Variants in RBSN observed in about 807,000 individuals in gnomAD.
RBSN encodes the protein rabenosyn, RAB effector.
RBSN carries 34 observed loss-of-function variants against 60.5 expected under a neutral mutation model. The observed-to-expected ratio is 0.56, with a 90% CI of 0.43 to 0.75. RBSN has a LOEUF of 0.75. RBSN is among the 30% of genes least tolerant of loss of function. The pLI, the probability that RBSN is intolerant of heterozygous loss-of-function variation, is 0.00. For synonymous variants in RBSN, 322 were observed against 366.9 expected, an observed-to-expected ratio of 0.88 and a Z score of 1.40; for missense variants, 845 against 986.8, an observed-to-expected ratio of 0.86 and a Z score of 1.92.
At chr3:15,078,778 ACATATATAT>A (rs1559342752) in intron 10 of RBSN, among the ~76,000 whole-genome samples, 26 of 35,792 alleles carry the variant, frequency 7.3e-4, no homozygotes, top group African/African-American at 2.4e-3. Context: ...AAAAAAAAAT[ACATATATAT>A]ATATATATAT....
Position 15,078,173 on chromosome 3 carries a change from C to T in RBSN, c.912-12G>A, listed in dbSNP as rs1305764830. On this transcript the variant is annotated splice_polypyrimidine_tract_variant and intron_variant, in intron 10 of 13. Transcript: ENST00000253699. ...TTGTCTCCCCAGCACTAAGGAGAAACCAGAGACACGTGACCTAAGTTTCAT... is the reference window on the plus strand; with the variant it reads ...TTGTCTCCCCAGCACTAAGGAGAAATCAGAGACACGTGACCTAAGTTTCAT... 1 of 1,612,972 alleles carries T rather than the reference C, an allele frequency of 6.2e-7. No individual in the cohort carries two copies. The highest frequency in any genetic ancestry group is 1.3e-5 in the African/African-American group (1 of 74,904).
At position 15,078,266 on chromosome 3, in the gene RBSN, C is replaced by A. The variant is rs189635372; in HGVS notation, c.912-105G>T. The A allele has an allele frequency of 2.1e-4, 184 of 889,528 alleles. No individual in the cohort carries two copies. In the African/African-American group the frequency reaches 2.7e-3, roughly 13 times the overall value. 55.1% of individuals were successfully genotyped at this position (889,528 alleles called of 1,614,324 possible). On this transcript the variant is annotated intron_variant, in intron 10 of 13. Transcript: ENST00000253699. ...TAAGGCCTCACAAAGGCAGTTAATT[C>A]TCTAAAGGTGGCATTTCAGACTTTC...
At chr3:15,078,664 G>A (rs906851152) in intron 10 of RBSN, among the ~76,000 whole-genome samples, 3 of 150,618 alleles carry the variant, frequency 2.0e-5, no homozygotes, top group Admixed American at 6.6e-5. Context: ...AGGAGGCTGA[G>A]GCAGAAGAAT....
At chr3:15,093,536 T>G (rs1047725293) in intron 4 of RBSN, among the ~76,000 whole-genome samples, 3 of 151,932 alleles carry the variant, frequency 2.0e-5, no homozygotes, top group Non-Finnish European at 4.4e-5. Flanking sequence ...GGACTACGAG[T>G]GCGTGCCACT....
chr3:15,097,795 G>A (rs912717158), intron 2 of RBSN, among the ~76,000 whole-genome samples: 1 of 152,038 alleles, frequency 6.6e-6, no homozygotes, highest in African/African-American at 2.4e-5. Context: ...CACCGAGGAG[G>A]GACTGCCTGG....
chr3:15,074,279 G>C lies in RBSN; in HGVS notation c.1858C>G (p.His620Asp). 6.2e-7 allele frequency: 1 copy of C among 1,613,730 alleles called. No individual in the cohort carries two copies. The highest frequency in any genetic ancestry group is 1.3e-5 in the African/African-American group (1 of 75,038). Reference protein sequence around the residue: ...RLPQSSMPQQHEGPSLNPFDE... With the variant: ...RLPQSSMPQQDEGPSLNPFDE... Reference sequence around the variant, plus strand: ...AAGGGGTTTAAGGAGGGCCCCTCATGTTGCTGTGGCATGCTGCTCTGGGGT... The same window carrying C: ...AAGGGGTTTAAGGAGGGCCCCTCATCTTGCTGTGGCATGCTGCTCTGGGGT... Residue 620 changes from histidine (H) to aspartate (D), a missense_variant, in exon 14 of 14, where the codon CAT becomes GAT. By Grantham distance (81) the His-to-Asp change is moderately conservative. Coordinates refer to ENST00000253699, the MANE Select transcript of RBSN (RefSeq NM_022340.4). This position sits in a 1 kb window ranked among gnomAD's most constrained non-coding sequence, Gnocchi z 6.4.
rs780245188 is a variant in RBSN, at chr3:15,074,497, C to G, written c.1640G>C (p.Arg547Pro). The part of the protein sequence containing the change: ...FRVASLHTRT[R>P]SLDFREIGPF... ...GCCGATTTCTCTGAAGTCCAGGGAC[C>G]GAGTCCGTGTGTGCAGGGATGCCAC... is the stretch of plus-strand genomic sequence containing the variant. The change falls in exon 14 of 14, where the codon CGG becomes CCG. Residue 547 changes from arginine (R) to proline (P), a missense_variant. Physicochemically the swap from Arg to Pro is moderately radical, Grantham distance 103 (BLOSUM62 -2). Transcript: ENST00000253699. This position sits in a 1 kb window ranked among gnomAD's most constrained non-coding sequence, Gnocchi z 6.4. 1 of 1,614,194 alleles carries G rather than the reference C, an allele frequency of 6.2e-7. No homozygotes were observed. The highest frequency in any genetic ancestry group is 8.5e-7 in the Non-Finnish European group (1 of 1,180,028).
rs201369960 is a variant in RBSN at position 15,074,690 on chromosome 3, G to A, written c.1447C>T (p.Arg483Cys). The A allele has an allele frequency of 8.1e-6, 13 of 1,614,270 alleles. No homozygotes were observed. The highest frequency in any genetic ancestry group is 5.0e-5 in the Admixed American group (3 of 60,036). Residue 483 changes from arginine to cysteine, a missense_variant, in exon 14 of 14, where the codon CGC becomes TGC. By Grantham distance (180) the Arg-to-Cys change is radical. Coordinates refer to ENST00000253699, the MANE Select transcript of RBSN (RefSeq NM_022340.4). The surrounding 1 kb of genome is among the most constrained non-coding windows in gnomAD (Gnocchi z 6.4). ...TGCCGCAGGTTCTCCTGCAGAGTGC[G>A]CACTTCATCCATGCGGCCCGCGGCC... ...AKAAGRMDEVRTLQENLRQLQ... is the reference protein window; with the variant it reads ...AKAAGRMDEVCTLQENLRQLQ...
In RBSN at chr3:15,077,628, C is replaced by A. The variant is rs1373137472; in HGVS notation, c.998+447G>T. 6.6e-6 allele frequency among the ~76,000 whole-genome samples: 1 copy of A among 152,176 alleles called. No individual in the cohort carries two copies. The highest frequency in any genetic ancestry group is 2.4e-5 in the African/African-American group (1 of 41,430). On this transcript the variant is annotated intron_variant, in intron 11 of 13. Coordinates refer to ENST00000253699, the MANE Select transcript of RBSN (RefSeq NM_022340.4). This position sits in a 1 kb window ranked among gnomAD's most constrained non-coding sequence, Gnocchi z 4.4. ...CCCTCTGAGTCACTGGCTAATTTAA[C>A]CCCAATGGCCAGTCCACAGTTAAAA...
At chr3:15,081,076 C>T (rs1377216109) in intron 9 of RBSN, 7 of 337,198 alleles carry the variant, frequency 2.1e-5, no homozygotes, top group South Asian at 8.7e-5. Flanking sequence ...TACAATGGCG[C>T]GATCTCCACT....
chr3:15,096,255 T>A lies in RBSN; in HGVS notation c.-135A>T. The A allele has an allele frequency of 1.0e-6, 1 of 952,612 alleles. No homozygotes were observed. The highest frequency in any genetic ancestry group is 1.4e-6 in the Non-Finnish European group (1 of 691,908). 59.0% of individuals were successfully genotyped at this position (952,612 alleles called of 1,614,324 possible). Reference sequence around the variant, plus strand: ...TGGTGAGGAAGTGGCTTCATGGCCCTGGATGAGGTTTCCTCTCTGGAGTAG... The same window carrying A: ...TGGTGAGGAAGTGGCTTCATGGCCCAGGATGAGGTTTCCTCTCTGGAGTAG... On this transcript the variant is annotated 5_prime_UTR_variant, in exon 4 of 14. Transcript: ENST00000253699.
Position 15,082,365 on chromosome 3 carries a change from A to G in RBSN, c.840+2T>C. On this transcript the variant is annotated splice_donor_variant, in intron 9 of 13. Transcript: ENST00000253699. LOFTEE classifies it high-confidence loss of function. The surrounding 1 kb of genome is among the most constrained non-coding windows in gnomAD (Gnocchi z 4.2). Reference sequence around the variant, plus strand: ...GACCCAAGACCAGACAGCGCGAATCACCTCGTAGAGCTTCACGATGTCAGG... The same window carrying G: ...GACCCAAGACCAGACAGCGCGAATCGCCTCGTAGAGCTTCACGATGTCAGG... 6.2e-7 allele frequency: 1 copy of G among 1,610,452 alleles called. No homozygotes were observed. The highest frequency in any genetic ancestry group is 1.3e-5 in the African/African-American group (1 of 74,958).
intron 5 of RBSN, among the ~76,000 whole-genome samples, chr3:15,086,541 A>G (rs1444452359): frequency 1.3e-5 from 2 of 152,212 alleles, no homozygotes; most frequent in Non-Finnish European, 2.9e-5. Flanking sequence ...TCAACTATCA[A>G]ATGGAATAAT....
In RBSN at chr3:15,070,155, G is replaced by A. The variant is rs2125143805; in HGVS notation, c.*3627C>T. On this transcript the variant is annotated 3_prime_UTR_variant, in exon 14 of 14. Coordinates refer to ENST00000253699, the MANE Select transcript of RBSN (RefSeq NM_022340.4). Reference sequence around the variant, plus strand: ...TGCATGCAAATCAACGACCCTCAAAGTGACAGTCATTGTCAGATAACAAGC... The same window carrying A: ...TGCATGCAAATCAACGACCCTCAAAATGACAGTCATTGTCAGATAACAAGC... 1 of 152,654 alleles carries A rather than the reference G, an allele frequency of 6.6e-6. No homozygotes were observed. The highest frequency in any genetic ancestry group is 2.1e-4 in the South Asian group (1 of 4,826). The allele number at this position is 152,654 out of a possible 1,614,324, so 9.5% of individuals were successfully genotyped here.
intron 4 of RBSN, 54 bp from the exon 5 acceptor site, chr3:15,090,593 AG>A: frequency 6.4e-7 from 1 of 1,560,820 alleles, no homozygotes; most frequent in South Asian, 1.2e-5. Flanking sequence ...CCCAGTAAAC[AG>A]TCAAAAGAAA....
At chr3:15,089,307 A>T (rs1467503921) in intron 5 of RBSN, among the ~76,000 whole-genome samples, 1 of 151,796 alleles carries the variant, frequency 6.6e-6, no homozygotes, top group Non-Finnish European at 1.5e-5. Flanking sequence ...TACAAAAAAT[A>T]CAAAAATTAG....
chr3:15,074,862 C>G lies in RBSN; in HGVS notation c.1275G>C (p.Gly425=), dbSNP rs1486415210. 6.2e-7 allele frequency: 1 copy of G among 1,614,146 alleles called. No individual in the cohort carries two copies. The change falls in exon 14 of 14, where the codon GGG becomes GGC. Residue 425 remains glycine (G), a synonymous_variant. Coordinates refer to ENST00000253699, the MANE Select transcript of RBSN (RefSeq NM_022340.4). This position sits in a 1 kb window ranked among gnomAD's most constrained non-coding sequence, Gnocchi z 6.4. The part of the protein sequence containing the change: ...QSGLASRAAN[G]EVASLRRGPA... ...GGCCCCTGCGGAGAGATGCCACCTC[C>G]CCGTTGGCCGCTCGAGAAGCCAGGC...
At chr3:15,090,646 A>C (rs1343141878) in intron 4 of RBSN, 107 bp from the exon 5 acceptor site, 1 of 1,452,846 alleles carries the variant, frequency 6.9e-7, no homozygotes, top group African/African-American at 1.4e-5. Flanking sequence ...TCGTTTGTTT[A>C]AAAATGCACC....
chr3:15,090,347 C>T, intron 5 of RBSN, 52 bp downstream of exon 5: 1 of 1,596,432 alleles, frequency 6.3e-7, no homozygotes, highest in African/African-American at 1.3e-5. Context: ...TTACCTAGAA[C>T]ATAGCAGATG....
Sources: gnomAD v4.1 joint callset for allele counts (sites outside exome capture counted in the v4.1 genomes callset) on GRCh38, gnomAD v4.1.1 for gene constraint, Gnocchi (gnomAD v3.1) non-coding constraint, MANE v1.5 for transcripts, NCBI Gene and HGNC (gene_info 2026-07-23, HGNC 2026-07-21) for gene names.